The following ZDHHC9 variants were observed in gnomAD, a reference collection of about 807,000 sequenced individuals.
The protein encoded by ZDHHC9 is zDHHC palmitoyltransferase 9, also known as palmitoyltransferase ZDHHC9.
Under a neutral mutation model 26.6 loss-of-function variants are expected in ZDHHC9, and 3 were observed. The ratio of observed to expected loss-of-function variants is 0.11; its 90% CI spans 0.05 to 0.29. The LOEUF is 0.29. ZDHHC9 is among the 10% of genes least tolerant of loss of function. ZDHHC9 has a pLI of 1.00. For missense variants in ZDHHC9, 146 were observed against 296.4 expected (o/e 0.49, Z 3.73); for synonymous variants, 111 against 109.4 (o/e 1.01, Z -0.09).
chrX:129,812,748 G>T lies in ZDHHC9; in HGVS notation c.747C>A (p.Leu249=), dbSNP rs780225583. 1 of 1,210,981 alleles carries T rather than the reference G, an allele frequency of 8.3e-7. No individual in the cohort carries two copies. Among genetic ancestry groups the T allele is most frequent in the South Asian group, 1.8e-5 (1 of 57,001 alleles). Residue 249 remains leucine (L), a synonymous_variant, in exon 8 of 11, where the codon CTC becomes CTA. Coordinates refer to ENST00000357166, the MANE Select transcript of ZDHHC9 (RefSeq NM_016032.4). ...VVGLTGFHTF[L]VALNQTTNED... ...CATTGGTTGTCTGGTTGAGAGCCAC[G>T]AGGAAAGTATGAAATCCAGTCAGTC... is the stretch of plus-strand genomic sequence containing the variant.
intron 5 of ZDHHC9, among the ~76,000 whole-genome samples, chrX:129,821,727 G>A (rs986242193): frequency 9.2e-6 from 1 of 108,548 alleles, no homozygotes; most frequent in African/African-American, 3.3e-5. Context: ...TTCCAGACCA[G>A]CCTGACCAAC....
chrX:129,817,244 A>C (rs1221992618), intron 5 of ZDHHC9, among the ~76,000 whole-genome samples: 1 of 110,428 alleles, frequency 9.1e-6, no homozygotes, highest in East Asian at 3.0e-4. Flanking sequence ...TGAGGTCAGG[A>C]GTTTGAGACC....
At chrX:129,842,962 T>C (rs927799368) in intron 2 of ZDHHC9, among the ~76,000 whole-genome samples, 4 of 112,529 alleles carry the variant, frequency 3.6e-5, no homozygotes. Context: ...GTACCATCTC[T>C]ACTCAGCATC....
intron 5 of ZDHHC9, among the ~76,000 whole-genome samples, chrX:129,819,852 C>T (rs1391897380): frequency 9.0e-6 from 1 of 110,517 alleles, no homozygotes; most frequent in Non-Finnish European, 1.9e-5. Flanking sequence ...CATGTCACCA[C>T]GTCCAGCTAA....
At position 129,804,479 on chromosome X, in the gene ZDHHC9, A is replaced by G. The variant is rs1325732717; in HGVS notation, c.*1891T>C. 1 of 111,475 alleles carries G rather than the reference A, an allele frequency of 9.0e-6. No individual in the cohort carries two copies. Among genetic ancestry groups the G allele is most frequent in the African/African-American group, 3.3e-5 (1 of 30,634 alleles). The allele number at this position is 111,475 out of a possible 1,213,427, so 9.2% of individuals were successfully genotyped here. On this transcript the variant is annotated 3_prime_UTR_variant, in exon 11 of 11. Transcript: ENST00000357166. ...CATTAATTCCAATTAACTGGGAAGTATGAGATGGGAATTGATAGGGAGTCT... is the reference window on the plus strand; with the variant it reads ...CATTAATTCCAATTAACTGGGAAGTGTGAGATGGGAATTGATAGGGAGTCT...
intron 6 of ZDHHC9, 32 bp downstream of exon 6, chrX:129,814,626 C>T (rs1171850810): frequency 8.3e-7 from 1 of 1,210,271 alleles, no homozygotes; most frequent in Admixed American, 2.2e-5. Context: ...CCCAGCCCCA[C>T]TCCAACAACG....
intron 4 of ZDHHC9, among the ~76,000 whole-genome samples, chrX:129,828,691 C>T (rs1177728478): frequency 9.0e-6 from 1 of 110,911 alleles, no homozygotes; most frequent in African/African-American, 3.3e-5. Context: ...TGGTGACCAC[C>T]TCCCCCAAAA....
chrX:129,827,909 C>T (rs772567777), intron 4 of ZDHHC9, among the ~76,000 whole-genome samples: 2 of 112,133 alleles, frequency 1.8e-5, no homozygotes, highest in African/African-American at 6.5e-5. Flanking sequence ...CTCCGCCTCC[C>T]AGGTTCAAGC....
At chrX:129,842,358 A>AT (rs1179163869) in intron 2 of ZDHHC9, among the ~76,000 whole-genome samples, 2 of 112,239 alleles carry the variant, frequency 1.8e-5, no homozygotes, top group African/African-American at 3.2e-5. Flanking sequence ...ACTAGAGAGG[A>AT]TTTTATAGGT....
chrX:129,823,916 A>G, intron 4 of ZDHHC9, 79 bp from the exon 5 acceptor site: 1 of 971,377 alleles, frequency 1.0e-6, no homozygotes, highest in South Asian at 1.9e-5. Flanking sequence ...TCCAAAACCA[A>G]TGGGGGCATT....
At chrX:129,830,137 G>A (rs1352484026) in intron 3 of ZDHHC9, among the ~76,000 whole-genome samples, 4 of 111,749 alleles carry the variant, frequency 3.6e-5, no homozygotes, top group Non-Finnish European at 7.5e-5. Context: ...CACTTCCAGA[G>A]CCTTGCATTA....
At chrX:129,821,180 G>T (rs748931639) in intron 5 of ZDHHC9, among the ~76,000 whole-genome samples, 3 of 111,742 alleles carry the variant, frequency 2.7e-5, no homozygotes, top group Non-Finnish European at 3.8e-5. Context: ...GAACGCTATT[G>T]TTGTTGGGAA....
chrX:129,826,911 G>A (rs1310142069), intron 4 of ZDHHC9, among the ~76,000 whole-genome samples: 2 of 112,505 alleles, frequency 1.8e-5, no homozygotes, highest in African/African-American at 6.4e-5. Flanking sequence ...AGAAATACAT[G>A]GGCCGGGCGC....
rs757816448 is a variant in ZDHHC9, at chrX:129,812,825, G to A, written c.675-5C>T. 1.7e-6 allele frequency: 2 copies of A among 1,182,169 alleles called. No individual in the cohort carries two copies. Among genetic ancestry groups the A allele is most frequent in the South Asian group, 3.6e-5 (2 of 56,333 alleles). ...CAAATGAGGACTTCTAGAACAGTGA[G>A]GTGTGGTTAAGGAGTATTGAAGAAC... On this transcript the variant is annotated splice_polypyrimidine_tract_variant and splice_region_variant and intron_variant, in intron 7 of 10. Coordinates refer to ENST00000357166, the MANE Select transcript of ZDHHC9 (RefSeq NM_016032.4).
intron 2 of ZDHHC9, among the ~76,000 whole-genome samples, chrX:129,842,887 T>C (rs897509087): frequency 9.8e-5 from 11 of 112,102 alleles, no homozygotes; most frequent in African/African-American, 3.2e-4. Flanking sequence ...TGATGGCTGG[T>C]TGGGGGGTGG....
intron 5 of ZDHHC9, among the ~76,000 whole-genome samples, chrX:129,818,091 T>A (rs777305558): frequency 9.0e-6 from 1 of 111,664 alleles, no homozygotes; most frequent in East Asian, 2.8e-4. Flanking sequence ...TTAAATGAGG[T>A]CATCTGGATG....
At chrX:129,824,012 AGTT>A (rs1927953911) in intron 4 of ZDHHC9, among the ~76,000 whole-genome samples, 175 bp from the exon 5 acceptor site, 2 of 112,123 alleles carry the variant, frequency 1.8e-5, no homozygotes, top group Non-Finnish European at 3.8e-5. Context: ...AAGTGCATGC[AGTT>A]CTGTTGTATA....
chrX:129,841,738 A>C, intron 3 of ZDHHC9, 41 bp downstream of exon 3: 1 of 1,208,341 alleles, frequency 8.3e-7, no homozygotes, highest in Non-Finnish European at 1.1e-6. Context: ...CCTGGACCCA[A>C]AGTAACCATA....
chrX:129,821,944 G>A (rs1403596044), intron 5 of ZDHHC9, among the ~76,000 whole-genome samples: 6 of 110,411 alleles, frequency 5.4e-5, no homozygotes, highest in East Asian at 2.9e-4. Context: ...AATAAAATGG[G>A]CTTTGACAAT....
Sources: gnomAD v4.1 joint callset for allele counts (sites outside exome capture counted in the v4.1 genomes callset) on GRCh38, gnomAD v4.1.1 for gene constraint, MANE v1.5 for transcripts, NCBI Gene and HGNC (gene_info 2026-07-23, HGNC 2026-07-21) for gene names.